MTRES1: variants seen among roughly 807,000 people sequenced by gnomAD.
MTRES1 encodes the protein mitochondrial transcription rescue factor 1.
Under a neutral mutation model 17.4 loss-of-function variants are expected in MTRES1, and 11 were observed. The observed-to-expected ratio is 0.63, with a 90% CI of 0.40 to 1.05. MTRES1 has a LOEUF of 1.05. Among genes scored for constraint, MTRES1 ranks in the 50% least tolerant of loss-of-function variants. MTRES1 has a pLI of 0.00. For synonymous variants in MTRES1, 94 were observed against 99.6 expected, an observed-to-expected ratio of 0.94 and a Z score of 0.34; for missense variants, 268 against 276.2, an observed-to-expected ratio of 0.97 and a Z score of 0.21.
chr6:107,040,294 C>A, intron 2 of MTRES1, 64 bp downstream of exon 2: 3 of 1,419,984 alleles, frequency 2.1e-6, no homozygotes, highest in African/African-American at 1.4e-5. Context: ...TATAGCATTA[C>A]AAATCACTTG....
chr6:107,050,551 C>CTTTTTTTTTTTTTTTTTTTTTT (rs142268482), intron 3 of MTRES1, among the ~76,000 whole-genome samples: 1 of 81,514 alleles, frequency 1.2e-5, no homozygotes, highest in African/African-American at 5.0e-5. Context: ...CTCTCCCTTT[C>CTTTTTTTTTTTTTTTTTTTTTT]TTTTTTTTTT....
intron 2 of MTRES1, among the ~76,000 whole-genome samples, chr6:107,041,939 G>A (rs1554227831): frequency 6.6e-6 from 1 of 152,176 alleles, no homozygotes; most frequent in Non-Finnish European, 1.5e-5. Context: ...TGTATACAAT[G>A]TAAGAATTGT....
intron 1 of MTRES1, among the ~76,000 whole-genome samples, chr6:107,036,113 G>C (rs541714482): frequency 6.6e-6 from 1 of 151,986 alleles, no homozygotes; most frequent in East Asian, 1.9e-4. Flanking sequence ...TTAATGCCCC[G>C]ATATTCAAAT....
chr6:107,040,255 T>A lies in MTRES1; in HGVS notation c.470+25T>A, dbSNP rs553477922. ...AGTGAGTATGATACGCATTTCATTATAAACTCGCTCGTAGTCATGTTATTT... is the reference window on the plus strand; with the variant it reads ...AGTGAGTATGATACGCATTTCATTAAAAACTCGCTCGTAGTCATGTTATTT... On this transcript the variant is annotated intron_variant, in intron 2 of 3. Transcript: ENST00000311381. 1.9e-6 allele frequency: 3 copies of A among 1,557,418 alleles called. No individual in the cohort carries two copies. The African/African-American group carries it at 4.1e-5, about 22-fold the overall frequency.
At chr6:107,046,818 G>A (rs1774404770) in intron 3 of MTRES1, among the ~76,000 whole-genome samples, 1 of 152,196 alleles carries the variant, frequency 6.6e-6, no homozygotes, top group Non-Finnish European at 1.5e-5. Flanking sequence ...GGTGTGTGGT[G>A]TCCAAGTATG....
In MTRES1 at chr6:107,039,814, C is replaced by T. The variant is rs782491914; in HGVS notation, c.54C>T (p.Ala18=). 6.2e-7 allele frequency: 1 copy of T among 1,612,818 alleles called. No homozygotes were observed. Among genetic ancestry groups the T allele is most frequent in the South Asian group, 1.1e-5 (1 of 90,586 alleles). ...LLAGVLRKPD[A]WIGLWGVLRG... is the part of the protein sequence containing the mutation. ...CCGGTGTTTTAAGAAAGCCAGATGC[C>T]TGGATTGGACTCTGGGGTGTTCTCC... The change falls in exon 2 of 4, where the codon GCC becomes GCT. Residue 18 remains alanine, a synonymous_variant. Coordinates refer to ENST00000311381, the MANE Select transcript of MTRES1 (RefSeq NM_016487.5).
At chr6:107,047,411 G>A (rs1774431070) in intron 3 of MTRES1, among the ~76,000 whole-genome samples, 1 of 151,364 alleles carries the variant, frequency 6.6e-6, no homozygotes, top group South Asian at 2.1e-4. Flanking sequence ...ATAGAGACAG[G>A]GTCTCACTGT....
intron 3 of MTRES1, among the ~76,000 whole-genome samples, chr6:107,048,335 A>G (rs1554228672): frequency 1.3e-5 from 2 of 151,722 alleles, no homozygotes; most frequent in East Asian, 2.0e-4. Flanking sequence ...GGGTTTCGCC[A>G]TGTTGGCCAG....
intron 3 of MTRES1, among the ~76,000 whole-genome samples, chr6:107,045,184 C>CA (rs71012763): frequency 0.8 from 118,506 of 147,988 alleles, 48,765 homozygotes; most frequent in Non-Finnish European, 0.91. Flanking sequence ...GACCCTGTCT[C>CA]AAAAAAAAAA....
intron 1 of MTRES1, among the ~76,000 whole-genome samples, chr6:107,029,802 CA>C (rs1322622499): frequency 1.3e-5 from 2 of 152,082 alleles, no homozygotes; most frequent in Non-Finnish European, 2.9e-5. Context: ...TTTTAGATCT[CA>C]CTGTGTTGCC....
intron 2 of MTRES1, chr6:107,040,875 A>G (rs1774179958): frequency 6.6e-6 from 1 of 150,674 alleles, no homozygotes; most frequent in Non-Finnish European, 1.5e-5. Context: ...TCTGAAAAAA[A>G]AAAAAAGAGG....
intron 1 of MTRES1, chr6:107,030,114 G>A: frequency 1.4e-6 from 1 of 718,478 alleles, no homozygotes; most frequent in Non-Finnish European, 2.6e-6. Context: ...CATGGTAAGT[G>A]CTTAATTAAG....
intron 3 of MTRES1, among the ~76,000 whole-genome samples, chr6:107,045,052 G>A (rs1277089394): frequency 2.0e-5 from 3 of 151,998 alleles, no homozygotes; most frequent in African/African-American, 7.3e-5. Context: ...GCCAGGCGTG[G>A]TGGCAGGCGC....
Position 107,039,792 on chromosome 6 carries a change from G to T in MTRES1, c.32G>T (p.Gly11Val). Residue 11 changes from glycine (G) to valine (V), a missense_variant, in exon 2 of 4, where the codon GGT (glycine) becomes GTT (valine). Physicochemically the swap from Gly to Val is moderately radical, Grantham distance 109 (BLOSUM62 -3). Transcript: ENST00000311381. Reference protein sequence around the residue: MAMASVKLLAGVLRKPDAWIG... With the variant: MAMASVKLLAVVLRKPDAWIG... ...ATGGCTAGTGTTAAATTGCTTGCCG[G>T]TGTTTTAAGAAAGCCAGATGCCTGG... 1.2e-6 allele frequency: 2 copies of T among 1,608,586 alleles called. No individual in the cohort carries two copies. The highest frequency in any genetic ancestry group is 1.7e-6 in the Non-Finnish European group (2 of 1,178,762).
At chr6:107,048,719 G>T (rs1774480238) in intron 3 of MTRES1, among the ~76,000 whole-genome samples, 2 of 148,462 alleles carry the variant, frequency 1.3e-5, no homozygotes, top group Admixed American at 6.8e-5. Flanking sequence ...GGTGGAGGTT[G>T]CAGTGAGCCG....
chr6:107,034,445 G>A (rs1773940115), intron 1 of MTRES1, among the ~76,000 whole-genome samples: 4 of 106,014 alleles, frequency 3.8e-5, no homozygotes, highest in Admixed American at 1.2e-4. Flanking sequence ...ACTGGTTGGT[G>A]AGTTTTTATT....
At chr6:107,031,861 A>C (rs1773855966) in intron 1 of MTRES1, among the ~76,000 whole-genome samples, 1 of 152,094 alleles carries the variant, frequency 6.6e-6, no homozygotes. Flanking sequence ...TCGGCCTCCC[A>C]AAGTGCTGGG....
chr6:107,049,444 C>T (rs1397105956), intron 3 of MTRES1, among the ~76,000 whole-genome samples: 30 of 126,212 alleles, frequency 2.4e-4, no homozygotes, highest in East Asian at 1.3e-3. Flanking sequence ...GACGGAGTCT[C>T]GCTCTGTCGC....
chr6:107,041,241 AAG>A (rs1318650622), intron 2 of MTRES1, among the ~76,000 whole-genome samples: 1 of 83,214 alleles, frequency 1.2e-5, no homozygotes, highest in East Asian at 2.6e-4. Flanking sequence ...AAAAAAAAAA[AAG>A]AATGCAGGCT....
Sources: allele counts gnomAD v4.1 joint callset (sites outside exome capture counted in the v4.1 genomes callset), GRCh38; gene constraint gnomAD v4.1.1; transcripts MANE v1.5; gene names NCBI Gene and HGNC (gene_info 2026-07-23, HGNC 2026-07-21).